The following NUDT3 variants were observed in gnomAD, a reference collection of about 807,000 sequenced individuals.
NUDT3 encodes diphosphoinositol polyphosphate phosphohydrolase 1.
NUDT3 carries 9 observed loss-of-function variants against 23.6 expected under a neutral mutation model. That is an observed-to-expected ratio of 0.38 (90% CI 0.23 to 0.66). The LOEUF is 0.66. NUDT3 is among the 30% of genes least tolerant of loss of function. NUDT3 has a pLI of 0.52. For missense variants in NUDT3, 172 were observed against 218.5 expected, an observed-to-expected ratio of 0.79 and a Z score of 1.34; for synonymous variants, 86 against 82.6, an observed-to-expected ratio of 1.04 and a Z score of -0.22.
intron 4 of NUDT3, among the ~76,000 whole-genome samples, chr6:34,289,186 T>C (rs2113689960): frequency 6.6e-6 from 1 of 152,338 alleles, no homozygotes; most frequent in East Asian, 1.9e-4. Flanking sequence ...GGCTAGTGTT[T>C]TCCTCCTGCC....
intron 1 of NUDT3, among the ~76,000 whole-genome samples, chr6:34,382,886 G>A (rs1035777924): frequency 6.6e-6 from 1 of 151,874 alleles, no homozygotes. Context: ...CTAGCACTTT[G>A]GGAGGCCGAG....
chr6:34,386,412 T>C (rs1490411933), intron 1 of NUDT3, among the ~76,000 whole-genome samples: 1 of 152,200 alleles, frequency 6.6e-6, no homozygotes, highest in Non-Finnish European at 1.5e-5. Flanking sequence ...TGTTCTTCCA[T>C]CTCTCCCATT....
intron 1 of NUDT3, among the ~76,000 whole-genome samples, chr6:34,367,336 G>A (rs545899510): frequency 3.9e-5 from 6 of 152,102 alleles, no homozygotes; most frequent in Non-Finnish European, 7.4e-5. Context: ...ACAAAAATTA[G>A]CCGGGTGTGG....
intron 2 of NUDT3, among the ~76,000 whole-genome samples, chr6:34,315,578 T>C (rs206921): frequency 0.33 from 49,630 of 151,914 alleles, 9,728 homozygotes; most frequent in African/African-American, 0.51. Flanking sequence ...ACAACCCTGT[T>C]TCAAAAAAAG....
intron 1 of NUDT3, among the ~76,000 whole-genome samples, chr6:34,383,345 T>C (rs1256909050): frequency 2.6e-5 from 4 of 152,152 alleles, no homozygotes; most frequent in Non-Finnish European, 5.9e-5. Flanking sequence ...ATCAACTAAT[T>C]GTATACAAAG....
intron 2 of NUDT3, among the ~76,000 whole-genome samples, chr6:34,319,603 T>A (rs567588157): frequency 6.6e-6 from 1 of 152,330 alleles, no homozygotes; most frequent in East Asian, 1.9e-4. Context: ...AGGCCTTTTA[T>A]GGAGACTTCA....
chr6:34,351,198 T>TTAAAAAAAAAAAAAAAAAAAAAAAAA, intron 1 of NUDT3, among the ~76,000 whole-genome samples: 1 of 17,894 alleles, frequency 5.6e-5, no homozygotes, highest in South Asian at 2.6e-3. Flanking sequence ...CTCCCCTGCC[T>TTAAAAAAAAAAAAAAAAAAAAAAAAA]AAAAAAAAAA....
chr6:34,365,455 A>G (rs940947514), intron 1 of NUDT3, among the ~76,000 whole-genome samples: 22 of 152,256 alleles, frequency 1.4e-4, no homozygotes, highest in African/African-American at 4.8e-4. Flanking sequence ...ATAAATAAAT[A>G]AAGTCCTGGG....
At chr6:34,388,659 T>C (rs1207118276) in intron 1 of NUDT3, among the ~76,000 whole-genome samples, 1 of 152,192 alleles carries the variant, frequency 6.6e-6, no homozygotes, top group Non-Finnish European at 1.5e-5. Flanking sequence ...TTAAGGAATC[T>C]CATCTAAAAC....
intron 2 of NUDT3, among the ~76,000 whole-genome samples, chr6:34,321,832 G>A (rs1294893772): frequency 6.6e-6 from 1 of 152,134 alleles, no homozygotes; most frequent in African/African-American, 2.4e-5. Context: ...CTCCAAACCT[G>A]GGCTGTTCAA....
At chr6:34,386,559 T>C (rs528502678) in intron 1 of NUDT3, among the ~76,000 whole-genome samples, 2 of 152,174 alleles carry the variant, frequency 1.3e-5, no homozygotes, top group African/African-American at 4.8e-5. Context: ...TGCTGGTCTA[T>C]AAATAAAGTT....
chr6:34,392,243 C>T (rs961930956), intron 1 of NUDT3, 21 bp downstream of exon 1: 11 of 1,559,986 alleles, frequency 7.1e-6, no homozygotes, highest in Non-Finnish European at 8.6e-6. Flanking sequence ...CGACCCCGGC[C>T]CGCCCAGCCT....
intron 1 of NUDT3, among the ~76,000 whole-genome samples, chr6:34,371,052 A>C (rs1365312713): frequency 6.6e-6 from 1 of 151,780 alleles, no homozygotes; most frequent in African/African-American, 2.4e-5. Context: ...CAGAGGTTGC[A>C]GTGAACCGAG....
chr6:34,300,627 G>T (rs188312318), intron 2 of NUDT3, among the ~76,000 whole-genome samples: 264 of 152,330 alleles, frequency 1.7e-3, no homozygotes, highest in Non-Finnish European at 2.6e-3. Flanking sequence ...ACCATCATCT[G>T]ATCATAAGGG....
intron 1 of NUDT3, among the ~76,000 whole-genome samples, chr6:34,352,313 G>A (rs1378045235): frequency 2.6e-5 from 4 of 152,072 alleles, no homozygotes; most frequent in Admixed American, 1.3e-4. Flanking sequence ...GGGACTACAG[G>A]TGTGCACCAC....
chr6:34,315,143 C>G (rs1048873231), intron 2 of NUDT3, among the ~76,000 whole-genome samples: 1 of 152,134 alleles, frequency 6.6e-6, no homozygotes, highest in Admixed American at 6.5e-5. Context: ...CTGAAAAATC[C>G]ACATTAAGGA....
intron 2 of NUDT3, among the ~76,000 whole-genome samples, chr6:34,304,623 G>T (rs1043219084): frequency 1.3e-5 from 2 of 151,562 alleles, no homozygotes; most frequent in Non-Finnish European, 2.9e-5. Flanking sequence ...AAGGACTAAT[G>T]ATCTATGTGT....
At chr6:34,309,070 C>T (rs1005344683) in intron 2 of NUDT3, among the ~76,000 whole-genome samples, 7 of 152,012 alleles carry the variant, frequency 4.6e-5, no homozygotes, top group African/African-American at 1.7e-4. Context: ...GCTCTCAGAC[C>T]ACAATGGAGT....
Position 34,336,238 on chromosome 6 carries a change from C to T in NUDT3, c.210+5624G>A, listed in dbSNP as rs896869377. 2.6e-5 allele frequency among the ~76,000 whole-genome samples: 4 copies of T among 151,816 alleles called. 1 individual carries two copies. Among genetic ancestry groups the T allele is most frequent in the South Asian group, 4.2e-4 (2 of 4,816 alleles). ...GAGCACTCCAGCCTGGATGACAGAG[C>T]GAGACTCCATCTCAAAACAAACAAA... On this transcript the variant is annotated intron_variant, in intron 2 of 4. Coordinates refer to ENST00000607016, the MANE Select transcript of NUDT3 (RefSeq NM_006703.4).
Sources: allele counts gnomAD v4.1 joint callset (sites outside exome capture counted in the v4.1 genomes callset), GRCh38; gene constraint gnomAD v4.1.1; transcripts MANE v1.5; gene names NCBI Gene and HGNC (gene_info 2026-07-23, HGNC 2026-07-21).